Variants in AFF2 observed in about 807,000 individuals in gnomAD.
AFF2 encodes AF4/FMR2 family member 2.
A neutral mutation model predicts 76.9 loss-of-function variants in AFF2; 14 were observed. That is an observed-to-expected ratio of 0.18 (90% CI 0.12 to 0.28). AFF2 has a LOEUF of 0.28. Among genes scored for constraint, AFF2 ranks in the 10% least tolerant of loss-of-function variants. The pLI is 1.00. For missense variants in AFF2, 868 were observed against 1,001.1 expected (o/e 0.87, Z 1.79); for synonymous variants, 398 against 366.7 (o/e 1.09, Z -0.98).
intron 1 of AFF2, among the ~76,000 whole-genome samples, chrX:148,651,730 A>T (rs1011357845): frequency 5.1e-4 from 8 of 15,739 alleles, no homozygotes; most frequent in African/African-American, 2.0e-3. Flanking sequence ...TAATCAAAAA[A>T]GGACAAGGGA....
intron 1 of AFF2, among the ~76,000 whole-genome samples, chrX:148,580,088 G>GC (rs1557244118): frequency 8.9e-6 from 1 of 112,034 alleles, no homozygotes; most frequent in African/African-American, 3.2e-5. Context: ...TGCAAACTGA[G>GC]CTGAACATGC....
intron 1 of AFF2, among the ~76,000 whole-genome samples, chrX:148,584,758 G>A (rs2053449541): frequency 9.1e-6 from 1 of 109,709 alleles, no homozygotes; most frequent in Admixed American, 9.7e-5. Context: ...GGATGGTCCC[G>A]ATCTTCTCCT....
At chrX:148,680,920 A>T (rs1381229043) in intron 3 of AFF2, among the ~76,000 whole-genome samples, 1 of 111,051 alleles carries the variant, frequency 9.0e-6, no homozygotes, top group African/African-American at 3.3e-5. Flanking sequence ...TAAAATCTCT[A>T]CCCCCATGTC....
rs782495704 is a variant in AFF2 at position 148,825,198 on chromosome X, T to C, written c.1087-12449T>C. Among the ~76,000 whole-genome samples the C allele has an allele frequency of 1.3e-3, 150 of 112,111 alleles. 1 individual carries two copies. The highest frequency in any genetic ancestry group is 1.7e-3 in the Non-Finnish European group (90 of 53,221). ...TTTCCCTTTTGGAAAACCTGTCCTA[T>C]GGAGTATGGTGGTGCCCAAAGCCTA... On this transcript the variant is annotated intron_variant, in intron 4 of 20. Coordinates refer to ENST00000370460, the MANE Select transcript of AFF2 (RefSeq NM_002025.4).
At chrX:148,703,544 G>A (rs1272979532) in intron 3 of AFF2, among the ~76,000 whole-genome samples, 1 of 112,003 alleles carries the variant, frequency 8.9e-6, no homozygotes, top group Non-Finnish European at 1.9e-5. Flanking sequence ...GGTGAGGCAT[G>A]GATTTAGAAG....
chrX:148,980,523 T>C (rs1411622279), intron 18 of AFF2, among the ~76,000 whole-genome samples: 1 of 111,715 alleles, frequency 9.0e-6, no homozygotes, highest in Non-Finnish European at 1.9e-5. Flanking sequence ...CAAGTGACTT[T>C]CATGGTCCTG....
intron 1 of AFF2, among the ~76,000 whole-genome samples, chrX:148,628,778 A>C (rs969036400): frequency 8.9e-5 from 10 of 112,072 alleles, no homozygotes. Flanking sequence ...CTCCAGATTG[A>C]TATAACAGCT....
At chrX:148,676,651 C>T (rs1460671832) in intron 3 of AFF2, among the ~76,000 whole-genome samples, 1 of 111,765 alleles carries the variant, frequency 8.9e-6, no homozygotes, top group African/African-American at 3.3e-5. Flanking sequence ...TTTAGAAAAG[C>T]TTTTTCAAGG....
At chrX:148,796,333 G>A (rs1392349389) in intron 3 of AFF2, among the ~76,000 whole-genome samples, 1 of 110,759 alleles carries the variant, frequency 9.0e-6, no homozygotes. Flanking sequence ...TTCTGATGGG[G>A]TCCTACAGCA....
In AFF2 at chrX:148,563,625, G is replaced by A. The variant is rs782598386; in HGVS notation, c.47+62481G>A. On this transcript the variant is annotated intron_variant, in intron 1 of 20. Transcript: ENST00000370460. ...GCTATGCTTTATGCTTATATAACTC[G>A]GACAGTCCATTGAGATGGTTTTTCA... Among the ~76,000 whole-genome samples, 8 of 112,009 alleles carry A rather than the reference G, an allele frequency of 7.1e-5. No individual in the cohort carries two copies. In the East Asian group the frequency reaches 2.3e-3, roughly 32 times the overall value.
rs1557288205 is a variant in AFF2, at chrX:148,962,789, A to G, written c.2765A>G (p.Glu922Gly). 4.1e-6 allele frequency: 5 copies of G among 1,211,002 alleles called. No individual in the cohort carries two copies. The Admixed American group carries it at 1.1e-4, about 26-fold the overall frequency. ...CCTCCTCCACTTTCCCCACTGCCAG[A>G]GGACCCTCCACGCCGCAGAAATGTC... The part of the protein sequence containing the change: ...LFPPPLSPLP[E>G]DPPRRRNVSG... Residue 922 changes from glutamate (E) to glycine (G), a missense_variant, in exon 13 of 21, where the codon GAG (glutamate) becomes GGG (glycine). Transcript: ENST00000370460.
chrX:148,665,480 G>C (rs1462645489), intron 3 of AFF2, among the ~76,000 whole-genome samples: 1 of 111,639 alleles, frequency 9.0e-6, no homozygotes, highest in Non-Finnish European at 1.9e-5. Flanking sequence ...TTTGACAGAA[G>C]AGTAGAGAGA....
intron 3 of AFF2, among the ~76,000 whole-genome samples, chrX:148,727,649 A>C (rs1557264358): frequency 9.0e-6 from 1 of 111,674 alleles, no homozygotes; most frequent in Non-Finnish European, 1.9e-5. Flanking sequence ...GTTGAAAATC[A>C]CTCTAAATAA....
intron 1 of AFF2, among the ~76,000 whole-genome samples, chrX:148,618,513 C>G (rs1045082656): frequency 1.8e-5 from 2 of 111,239 alleles, no homozygotes; most frequent in Non-Finnish European, 3.8e-5. Context: ...TCCACCTGGT[C>G]CTGACCTTGA....
chrX:148,543,320 T>C (rs1557237760), intron 1 of AFF2, among the ~76,000 whole-genome samples: 2 of 111,777 alleles, frequency 1.8e-5, no homozygotes, highest in Non-Finnish European at 3.8e-5. Context: ...TGACTAAAGA[T>C]TGTGTTCTTT....
intron 3 of AFF2, among the ~76,000 whole-genome samples, chrX:148,665,791 C>T (rs1410052366): frequency 8.9e-6 from 1 of 111,907 alleles, no homozygotes; most frequent in Non-Finnish European, 1.9e-5. Flanking sequence ...GAGTTTCAGG[C>T]ACTAGGTTCC....
chrX:148,647,756 C>T (rs1202826283), intron 1 of AFF2, among the ~76,000 whole-genome samples: 2 of 110,865 alleles, frequency 1.8e-5, no homozygotes, highest in Non-Finnish European at 3.8e-5. Context: ...TCTGACAAAC[C>T]CGCTGTGAGG....
intron 3 of AFF2, among the ~76,000 whole-genome samples, chrX:148,750,284 A>G (rs782478139): frequency 1.6e-3 from 175 of 111,119 alleles, no homozygotes; most frequent in Admixed American, 2.6e-3. Context: ...CACCCTTAAC[A>G]TTTATTCAGA....
At chrX:148,729,724 G>T (rs2055199625) in intron 3 of AFF2, among the ~76,000 whole-genome samples, 1 of 112,000 alleles carries the variant, frequency 8.9e-6, no homozygotes, top group Admixed American at 9.4e-5. Context: ...ATTATCCAGT[G>T]AATTTAATCA....
Sources: allele counts gnomAD v4.1 joint callset (sites outside exome capture counted in the v4.1 genomes callset), GRCh38; gene constraint gnomAD v4.1.1; transcripts MANE v1.5; gene names NCBI Gene and HGNC (gene_info 2026-07-23, HGNC 2026-07-21).